Variants in NOS2 observed in about 807,000 individuals in gnomAD.
NOS2 encodes nitric oxide synthase, inducible.
In NOS2, 96 loss-of-function variants were observed where a neutral mutation model predicts 136.0. The observed-to-expected ratio is 0.71, with a 90% CI of 0.60 to 0.84. The LOEUF is 0.84. Ranked by LOEUF, NOS2 falls within the 40% of genes least tolerant of loss-of-function variation. The pLI, the probability that NOS2 is intolerant of heterozygous loss-of-function variation, is 0.00. For missense variants in NOS2, 1,237 were observed against 1,496.9 expected (o/e 0.83, Z 2.87); for synonymous variants, 539 against 587.5 (o/e 0.92, Z 1.20).
chr17:27,795,294 G>C (rs973341191), intron 2 of NOS2, among the ~76,000 whole-genome samples: 4 of 151,974 alleles, frequency 2.6e-5, no homozygotes, highest in Admixed American at 1.3e-4. Context: ...GTTTGGACTT[G>C]ACTCAAACCT....
At position 27,790,262 on chromosome 17, in the gene NOS2, T is replaced by A. The variant is rs575967905; in HGVS notation, c.111-574A>T. ...GCGCACACCACCACACCTGGCTAAT[T>A]TCTGTATTTTTGGTAGAGATGGGGT... On this transcript the variant is annotated intron_variant, in intron 2 of 26. Transcript: ENST00000313735. Among the ~76,000 whole-genome samples the A allele has an allele frequency of 3.9e-5, 6 of 152,140 alleles. No individual in the cohort carries two copies. The South Asian group carries it at 1.2e-3, about 32-fold the overall frequency.
intron 13 of NOS2, among the ~76,000 whole-genome samples, chr17:27,772,914 G>T (rs1189504843): frequency 1.3e-5 from 2 of 152,074 alleles, no homozygotes; most frequent in South Asian, 4.1e-4. Flanking sequence ...TTGTACCTGT[G>T]GTCCCAGCTA....
Position 27,766,596 on chromosome 17 carries a change from G to C in NOS2, c.2168-8C>G. On this transcript the variant is annotated splice_polypyrimidine_tract_variant and splice_region_variant and intron_variant, in intron 18 of 26. Transcript: ENST00000313735. ...CATGCATGCTGCTGAGGGCTGTGGA[G>C]GACACAGAGACGGTGAAATGGCAAA... The C allele has an allele frequency of 1.2e-6, 2 of 1,613,004 alleles. No individual in the cohort carries two copies. The highest frequency in any genetic ancestry group is 3.3e-4 in the Middle Eastern group (2 of 6,060).
chr17:27,780,589 G>A (rs926753904), intron 9 of NOS2, among the ~76,000 whole-genome samples, 178 bp downstream of exon 9: 2 of 152,232 alleles, frequency 1.3e-5, no homozygotes, highest in African/African-American at 2.4e-5. Context: ...AGGTGCCAGT[G>A]CAGAATGGCT....
At chr17:27,768,449 G>A (rs953321892) in intron 17 of NOS2, among the ~76,000 whole-genome samples, 3 of 152,178 alleles carry the variant, frequency 2.0e-5, no homozygotes. Context: ...GCCACATGGA[G>A]GAGGCCTGGG....
At chr17:27,783,361 T>C (rs923969150) in intron 5 of NOS2, among the ~76,000 whole-genome samples, 3 of 152,212 alleles carry the variant, frequency 2.0e-5, no homozygotes, top group African/African-American at 7.2e-5. Context: ...CATTTTTACA[T>C]TGAGTCCTAT....
At chr17:27,761,937 T>C (rs1366295454) in intron 22 of NOS2, among the ~76,000 whole-genome samples, 1 of 152,192 alleles carries the variant, frequency 6.6e-6, no homozygotes, top group Non-Finnish European at 1.5e-5. Context: ...GGCTGTTCTC[T>C]AGCAGGGCAA....
intron 11 of NOS2, among the ~76,000 whole-genome samples, chr17:27,776,035 A>T (rs531359108): frequency 2.0e-4 from 30 of 152,310 alleles, no homozygotes; most frequent in African/African-American, 6.5e-4. Flanking sequence ...TGATGGAGGC[A>T]GGCAAAGGTG....
chr17:27,771,003 A>C lies in NOS2; in HGVS notation c.1719T>G (p.Asp573Glu). 1 of 1,613,940 alleles carries C rather than the reference A, an allele frequency of 6.2e-7. No homozygotes were observed. Among genetic ancestry groups the C allele is most frequent in the Non-Finnish European group, 8.5e-7 (1 of 1,179,906 alleles). Reference sequence around the variant, plus strand: ...CCTCCAGGCAGCTCAGCCTGTACTTATCCATGCAGACAACCTGGATGGCAC... The same window carrying C: ...CCTCCAGGCAGCTCAGCCTGTACTTCTCCATGCAGACAACCTGGATGGCAC... ...CAFNPKVVCMDKYRLSCLEEE... is the reference protein window; with the variant it reads ...CAFNPKVVCMEKYRLSCLEEE... The change falls in exon 15 of 27, where the codon GAT becomes GAG. Residue 573 changes from aspartate to glutamate, a missense_variant. Around this residue, in one of 3 missense-constraint regions of NOS2, gnomAD observed 782 missense variants for 909.9 expected, o/e 0.86. Coordinates refer to ENST00000313735, the MANE Select transcript of NOS2 (RefSeq NM_000625.4).
chr17:27,773,845 C>T (rs771968753), intron 12 of NOS2, among the ~76,000 whole-genome samples: 7 of 152,166 alleles, frequency 4.6e-5, no homozygotes, highest in African/African-American at 1.4e-4. Flanking sequence ...TGGAGTGAAG[C>T]CCATCCCTTT....
intron 2 of NOS2, among the ~76,000 whole-genome samples, chr17:27,791,236 G>C (rs1909171478): frequency 6.6e-6 from 1 of 152,182 alleles, no homozygotes; most frequent in Admixed American, 6.5e-5. Context: ...CCTTCCATGT[G>C]ACCAACCATT....
In NOS2 at chr17:27,772,413, C is replaced by G; in HGVS notation, c.1599G>C (p.Met533Ile). 6.2e-7 allele frequency: 1 copy of G among 1,614,068 alleles called. No individual in the cohort carries two copies. Among genetic ancestry groups the G allele is most frequent in the Non-Finnish European group, 8.5e-7 (1 of 1,180,036 alleles). The change falls in exon 14 of 27, where the codon ATG becomes ATC. Residue 533 changes from methionine to isoleucine, a missense_variant. This residue lies in a region of NOS2 where 782 missense variants were observed against 909.9 expected (regional missense o/e 0.86). Transcript: ENST00000313735. ...LFACMLMRKT[M>I]ASRVRVTILF... ...GGATGGTGACTCTGACTCGGGACGC[C>G]ATTGTCTTGCGCATCAGCATACAGG...
chr17:27,797,200 G>C (rs1443040552), intron 2 of NOS2, among the ~76,000 whole-genome samples: 7 of 152,180 alleles, frequency 4.6e-5, no homozygotes. Flanking sequence ...ATACTTCAAA[G>C]GCCACAGAGT....
intron 24 of NOS2, 133 bp downstream of exon 24, chr17:27,760,490 C>G: frequency 1.6e-6 from 2 of 1,231,550 alleles, no homozygotes; most frequent in South Asian, 1.4e-5. Context: ...CCCGCAGAGG[C>G]CCGCACAGGG....
chr17:27,776,030 G>A (rs1172692348), intron 11 of NOS2, among the ~76,000 whole-genome samples: 1 of 152,188 alleles, frequency 6.6e-6, no homozygotes, highest in Non-Finnish European at 1.5e-5. Context: ...AACTCTGATG[G>A]AGGCAGGCAA....
At position 27,769,569 on chromosome 17, in the gene NOS2, G is replaced by T; in HGVS notation, c.1825C>A (p.Leu609Ile). 6.2e-7 allele frequency: 1 copy of T among 1,613,260 alleles called. No homozygotes were observed. The highest frequency in any genetic ancestry group is 8.5e-7 in the Non-Finnish European group (1 of 1,179,206). The change falls in exon 16 of 27, where the codon CTC becomes ATC. Residue 609 changes from leucine (L) to isoleucine (I), a missense_variant. By Grantham distance (5) the Leu-to-Ile change is conservative. Coordinates refer to ENST00000313735, the MANE Select transcript of NOS2 (RefSeq NM_000625.4). ...TTGTTGAGCTCTTTCAGCATGAAGA[G>T]CGATTTCTTCAGTTTCTAGAAAGAG... ...PGNGEKLKKSLFMLKELNNKF... is the reference protein window; with the variant it reads ...PGNGEKLKKSIFMLKELNNKF...
chr17:27,796,573 G>C (rs1333671040), intron 2 of NOS2, among the ~76,000 whole-genome samples: 1 of 152,244 alleles, frequency 6.6e-6, no homozygotes, highest in Non-Finnish European at 1.5e-5. Context: ...GGAAGGCTGG[G>C]ATGGGCAGGT....
intron 15 of NOS2, 27 bp from the exon 16 acceptor site, chr17:27,769,611 C>T (rs199614448): frequency 1.9e-6 from 3 of 1,593,606 alleles, no homozygotes; most frequent in Admixed American, 1.7e-5. Flanking sequence ...TGACAGAGTT[C>T]TCAAGCCAGG....
rs1909107955 is a variant in NOS2 at position 27,788,951 on chromosome 17, G to A, written c.196-20C>T. The A allele has an allele frequency of 6.2e-7, 1 of 1,612,154 alleles. No individual in the cohort carries two copies. Among genetic ancestry groups the A allele is most frequent in the East Asian group, 2.2e-5 (1 of 44,798 alleles). On this transcript the variant is annotated intron_variant, in intron 3 of 26. Transcript: ENST00000313735. The stretch of plus-strand genomic sequence containing the variant: ...AGACTTCTGCAAGGGGAAAAAACAG[G>A]GTTTTCTCTCAGGTCTCTCCTAGAC...
Sources: gnomAD v4.1 joint callset for allele counts (sites outside exome capture counted in the v4.1 genomes callset) on GRCh38, gnomAD v4.1.1 for gene constraint, gnomAD v4.1.1 regional missense constraint, MANE v1.5 for transcripts, NCBI Gene and HGNC (gene_info 2026-07-23, HGNC 2026-07-21) for gene names.